BRI3BP: variants seen among roughly 807,000 people sequenced by gnomAD.
BRI3BP encodes the protein BRI3-binding protein.
A neutral mutation model predicts 15.8 loss-of-function variants in BRI3BP; 7 were observed. That is an observed-to-expected ratio of 0.44 (90% confidence interval 0.25 to 0.83). BRI3BP has a LOEUF of 0.83. Among genes scored for constraint, BRI3BP ranks in the 40% least tolerant of loss-of-function variants. The probability of loss-of-function intolerance (pLI) is 0.20; values close to 1 mark genes in which losing one functional copy is unlikely to be tolerated. For synonymous variants in BRI3BP, 192 were observed against 163.5 expected (o/e 1.17, Z -1.33); for missense variants, 320 against 339.3 (o/e 0.94, Z 0.45).
chr12:125,008,426 C>G (rs1474600231), intron 1 of BRI3BP, among the ~76,000 whole-genome samples: 1 of 149,832 alleles, frequency 6.7e-6, no homozygotes, highest in African/African-American at 2.5e-5. Flanking sequence ...CATTCTCCTT[C>G]TTCAGCCTCC....
intron 1 of BRI3BP, among the ~76,000 whole-genome samples, chr12:125,008,733 C>T (rs1421628123): frequency 2.6e-5 from 4 of 152,102 alleles, no homozygotes; most frequent in Non-Finnish European, 5.9e-5. Flanking sequence ...AGGCGCATTA[C>T]GTTTATTGTG....
At chr12:125,011,338 G>C (rs1048360012) in intron 1 of BRI3BP, among the ~76,000 whole-genome samples, 3 of 152,076 alleles carry the variant, frequency 2.0e-5, no homozygotes, top group Non-Finnish European at 4.4e-5. Context: ...TAATCCCCTG[G>C]GCCAGTAGAC....
In BRI3BP at chr12:124,993,889, G is replaced by A; in HGVS notation, c.99G>A (p.Gln33=). The change falls in exon 1 of 3, where the codon CAG becomes CAA. Residue 33 remains glutamine (Q), a synonymous_variant. Transcript: ENST00000341446. ...TCGGGCTGCTGGCCCCGGGCGCGCA[G>A]GGGGCGCGGGGCCGCGGCGGCGCGG... is the stretch of plus-strand genomic sequence containing the variant. ...LLLGLLAPGA[Q]GARGRGGAEK... 1 of 1,252,218 alleles carries A rather than the reference G, an allele frequency of 8.0e-7. No individual in the cohort carries two copies. The highest frequency in any genetic ancestry group is 2.4e-5 in the South Asian group (1 of 40,838). The allele number at this position is 1,252,218 out of a possible 1,614,324, so 77.6% of individuals were successfully genotyped here. A position where few individuals can be genotyped will look rare whatever the true frequency, so the allele number is the denominator to read the frequency against.
intron 1 of BRI3BP, among the ~76,000 whole-genome samples, chr12:125,006,879 C>T (rs976601591): frequency 7.9e-5 from 12 of 152,152 alleles, no homozygotes; most frequent in African/African-American, 2.7e-4. Flanking sequence ...CTTTCTTTTT[C>T]CCTCCATTTG....
intron 1 of BRI3BP, among the ~76,000 whole-genome samples, chr12:125,007,207 C>A (rs950137963): frequency 6.6e-6 from 1 of 151,810 alleles, no homozygotes; most frequent in South Asian, 2.1e-4. Context: ...TCCGCCCCCC[C>A]CAAATAAATT....
At chr12:125,049,736 G>T in the BRI3BP span, among the ~76,000 whole-genome samples, 2 of 152,248 alleles carry the variant, frequency 1.3e-5, no homozygotes, top group Admixed American at 6.5e-5. Context: ...TGGCGCTCAG[G>T]CCGATCTTCC....
intron 1 of BRI3BP, among the ~76,000 whole-genome samples, chr12:125,011,630 G>A (rs1955197004): frequency 6.6e-6 from 1 of 152,196 alleles, no homozygotes; most frequent in African/African-American, 2.4e-5. Context: ...GGGGATTCCA[G>A]TTGCCAGGAA....
chr12:125,000,964 A>G (rs574888792), intron 1 of BRI3BP, among the ~76,000 whole-genome samples: 65 of 152,334 alleles, frequency 4.3e-4, no homozygotes, highest in Admixed American at 2.8e-3. Context: ...CACCCAGTCA[A>G]GGACTGCTCA....
chr12:125,013,341 G>T (rs543911178), intron 2 of BRI3BP, among the ~76,000 whole-genome samples: 1 of 152,152 alleles, frequency 6.6e-6, no homozygotes, highest in Non-Finnish European at 1.5e-5. Context: ...AGACACTGCC[G>T]AACTGGCTGT....
intron 2 of BRI3BP, among the ~76,000 whole-genome samples, chr12:125,013,376 T>C (rs1157700787): frequency 6.6e-6 from 1 of 152,128 alleles, no homozygotes; most frequent in African/African-American, 2.4e-5. Context: ...GTTGAAACCG[T>C]TGAGTTCGAA....
Position 124,993,799 on chromosome 12 carries a change from G to T in BRI3BP, c.9G>T (p.Ala3=). The T allele has an allele frequency of 9.5e-7, 1 of 1,055,068 alleles. No homozygotes were observed. The allele number at this position is 1,055,068 out of a possible 1,614,324, so 65.4% of individuals were successfully genotyped here. A position where few individuals can be genotyped will look rare whatever the true frequency, so the allele number is the denominator to read the frequency against. The change falls in exon 1 of 3, where the codon GCG becomes GCT. Residue 3 remains alanine (A), a synonymous_variant. Transcript: ENST00000341446. MG[A]RASGGPLARA... ...CGCCCCGCCGGCCGAGCATGGGCGC[G>T]CGCGCCTCAGGCGGGCCCCTGGCCC...
In BRI3BP at chr12:124,997,214, C is replaced by CT. The variant is rs1229802280; in HGVS notation, c.213+3230dup. ...TCTCTTTTTTTTTTGCTTTACTTCT[C>CT]TTTTTTTTTTTTTTTTTTTGAGATG... On this transcript the variant is annotated intron_variant, in intron 1 of 2. Coordinates refer to ENST00000341446, the MANE Select transcript of BRI3BP (RefSeq NM_080626.6). Among the ~76,000 whole-genome samples the CT allele has an allele frequency of 5.7e-3, 293 of 51,530 alleles. 42 individuals carry two copies. Among genetic ancestry groups the CT allele is most frequent in the African/African-American group, 6.5e-3 (64 of 9,900 alleles). The allele number at this position is 51,530 out of a possible 152,430, so 33.8% of individuals were successfully genotyped here. A position where few individuals can be genotyped will look rare whatever the true frequency, so the allele number is the denominator to read the frequency against.
chr12:125,017,266 C>T (rs12309448), intron 2 of BRI3BP, among the ~76,000 whole-genome samples: 6,890 of 151,528 alleles, frequency 0.045, 504 homozygotes, highest in African/African-American at 0.16. Context: ...TCATGATCCA[C>T]CTGCCTCGGC....
At chr12:125,008,609 C>T (rs1955170030) in intron 1 of BRI3BP, among the ~76,000 whole-genome samples, 1 of 151,682 alleles carries the variant, frequency 6.6e-6, no homozygotes, top group Non-Finnish European at 1.5e-5. Flanking sequence ...CCACGCCTGG[C>T]CACCCTCCTC....
At chr12:125,007,097 GC>G (rs1316905982) in intron 1 of BRI3BP, among the ~76,000 whole-genome samples, 1 of 152,012 alleles carries the variant, frequency 6.6e-6, no homozygotes, top group African/African-American at 2.4e-5. Context: ...TACTTAGGAG[GC>G]TGAGGCAGGA....
At position 125,026,035 on chromosome 12, in the gene BRI3BP, C is replaced by T. The variant is rs1955352057; in HGVS notation, c.*605C>T. ...AGTTGGGCTGCAGGATGCAACTCAA[C>T]CTCTTTTGGATCCTAGAGACCCCTG... On this transcript the variant is annotated 3_prime_UTR_variant, in exon 3 of 3. Transcript: ENST00000341446. 1 of 152,176 alleles carries T rather than the reference C, an allele frequency of 6.6e-6. No homozygotes were observed. Among genetic ancestry groups the T allele is most frequent in the Non-Finnish European group, 1.5e-5 (1 of 68,048 alleles). The allele number at this position is 152,176 out of a possible 1,614,324, so 9.4% of individuals were successfully genotyped here.
the BRI3BP span, among the ~76,000 whole-genome samples, chr12:125,038,945 C>T: frequency 3.3e-5 from 5 of 151,894 alleles, no homozygotes; most frequent in Non-Finnish European, 7.4e-5. Context: ...GAAAAATTAG[C>T]CGGGCATGGT....
chr12:125,050,120 A>G, the BRI3BP span, among the ~76,000 whole-genome samples: 1 of 152,176 alleles, frequency 6.6e-6, no homozygotes, highest in Non-Finnish European at 1.5e-5. Flanking sequence ...TGGGAGGCTG[A>G]GCCGGGCGGA....
At chr12:125,034,232 G>A (rs1955426754), downstream of BRI3BP, among the ~76,000 whole-genome samples, 1 of 151,434 alleles carries the variant, frequency 6.6e-6, no homozygotes, top group African/African-American at 2.4e-5. Context: ...TTTTAGTAGA[G>A]ACGGGGTTTC....
Sources: allele counts gnomAD v4.1 joint callset (sites outside exome capture counted in the v4.1 genomes callset), GRCh38; gene constraint gnomAD v4.1.1; transcripts MANE v1.5; gene names NCBI Gene and HGNC (gene_info 2026-07-23, HGNC 2026-07-21).